The following ATG7 variants were observed in gnomAD, a reference collection of about 807,000 sequenced individuals.
ATG7 encodes ubiquitin-like modifier-activating enzyme ATG7.
In ATG7, 70 loss-of-function variants were observed where a neutral mutation model predicts 82.4. The observed-to-expected ratio is 0.85, with a 90% confidence interval of 0.70 to 1.04. ATG7 has a LOEUF of 1.04. Among genes scored for constraint, ATG7 ranks in the 50% least tolerant of loss-of-function variants. The pLI, the probability that ATG7 is intolerant of heterozygous loss-of-function variation, is 0.00. For synonymous variants in ATG7, 287 were observed against 313.0 expected, an observed-to-expected ratio of 0.92 and a Z score of 0.88; for missense variants, 792 against 864.3, an observed-to-expected ratio of 0.92 and a Z score of 1.05.
the ATG7 span, among the ~76,000 whole-genome samples, chr3:11,570,744 T>A: frequency 6.6e-6 from 1 of 152,210 alleles, no homozygotes; most frequent in African/African-American, 2.4e-5. Context: ...AGTGGTGAGA[T>A]GTCTTCTCCC....
intron 20 of ATG7, among the ~76,000 whole-genome samples, chr3:11,511,881 C>T (rs905937782): frequency 1.3e-5 from 2 of 152,110 alleles, no homozygotes; most frequent in African/African-American, 2.4e-5. Context: ...GGCTGGCTGG[C>T]TGCTCCGAAT....
intron 20 of ATG7, among the ~76,000 whole-genome samples, chr3:11,546,205 T>A (rs1210146013): frequency 7.7e-6 from 1 of 129,306 alleles, no homozygotes; most frequent in Admixed American, 9.5e-5. Context: ...GGAGTCCTGC[T>A]CTGTCACCCA....
intron 19 of ATG7, among the ~76,000 whole-genome samples, chr3:11,412,649 T>A (rs911190240): frequency 2.0e-5 from 3 of 152,170 alleles, no homozygotes; most frequent in African/African-American, 7.2e-5. Context: ...TCTTCAAGAT[T>A]GTTTTGGCAA....
At chr3:11,289,821 A>G (rs1944673090) in intron 3 of ATG7, among the ~76,000 whole-genome samples, 1 of 152,036 alleles carries the variant, frequency 6.6e-6, no homozygotes, top group Admixed American at 6.6e-5. Flanking sequence ...CAGCCTCCCA[A>G]AGAGTTAGGA....
intron 15 of ATG7, among the ~76,000 whole-genome samples, chr3:11,359,764 G>A (rs1404173076): frequency 1.3e-5 from 2 of 151,606 alleles, no homozygotes; most frequent in Non-Finnish European, 2.9e-5. Flanking sequence ...GGTGGCATGT[G>A]CCTGTAATTC....
intron 5 of ATG7, among the ~76,000 whole-genome samples, chr3:11,302,257 T>C (rs566590085): frequency 6.6e-6 from 1 of 152,344 alleles, no homozygotes; most frequent in African/African-American, 2.4e-5. Context: ...ATCTTTAAAA[T>C]GGGTTCTTGC....
intron 19 of ATG7, among the ~76,000 whole-genome samples, chr3:11,419,932 ACT>A (rs1374729472): frequency 2.6e-5 from 4 of 152,104 alleles, no homozygotes; most frequent in Admixed American, 2.6e-4. Context: ...TATTTTGCAA[ACT>A]CTCTCAGTAC....
chr3:11,314,265 A>G (rs763713917), intron 8 of ATG7, among the ~76,000 whole-genome samples: 2 of 152,164 alleles, frequency 1.3e-5, no homozygotes, highest in Non-Finnish European at 2.9e-5. Flanking sequence ...AAACTAGAGA[A>G]TTCTTATTGT....
chr3:11,519,607 T>TGGA (rs1256859844), intron 20 of ATG7, among the ~76,000 whole-genome samples: 3 of 126,582 alleles, frequency 2.4e-5, no homozygotes, highest in African/African-American at 5.7e-5. Flanking sequence ...TCGCCCAGGC[T>TGGA]GGAGTGCAGT....
chr3:11,307,889 C>T (rs1371158616), intron 6 of ATG7, among the ~76,000 whole-genome samples: 1 of 152,196 alleles, frequency 6.6e-6, no homozygotes, highest in Admixed American at 6.5e-5. Flanking sequence ...AGCTGTGACT[C>T]AGGAGAGGAT....
At chr3:11,405,257 TC>T (rs1413113064) in intron 19 of ATG7, among the ~76,000 whole-genome samples, 1 of 152,148 alleles carries the variant, frequency 6.6e-6, no homozygotes, top group African/African-American at 2.4e-5. Flanking sequence ...TTATAGAAGC[TC>T]TGACTCTAAA....
At chr3:11,527,114 C>A (rs1460056319) in intron 20 of ATG7, among the ~76,000 whole-genome samples, 1 of 147,100 alleles carries the variant, frequency 6.8e-6, no homozygotes, top group Non-Finnish European at 1.5e-5. Flanking sequence ...CATATACACA[C>A]ATTTTTTTGA....
chr3:11,364,872 T>C (rs1487613765), intron 18 of ATG7, 138 bp downstream of exon 18: 2 of 835,978 alleles, frequency 2.4e-6, no homozygotes, highest in African/African-American at 3.4e-5. Context: ...TGGGAGAGCT[T>C]TCTGACCACC....
intron 20 of ATG7, among the ~76,000 whole-genome samples, chr3:11,504,968 C>T (rs1382727799): frequency 6.6e-6 from 1 of 152,032 alleles, no homozygotes; most frequent in Non-Finnish European, 1.5e-5. Flanking sequence ...ATTTACCGAG[C>T]AAAATGGGAA....
At chr3:11,440,674 CT>C (rs72177700) in intron 20 of ATG7, among the ~76,000 whole-genome samples, 523 of 39,426 alleles carry the variant, frequency 0.013, no homozygotes, top group African/African-American at 0.02. Context: ...TCCCCATTTG[CT>C]TTTTTTTTTT....
intron 18 of ATG7, among the ~76,000 whole-genome samples, chr3:11,365,002 A>T (rs1266147450): frequency 6.6e-6 from 1 of 152,214 alleles, no homozygotes; most frequent in Non-Finnish European, 1.5e-5. Flanking sequence ...ATAGGAACAG[A>T]AAAAACAGGC....
chr3:11,374,976 G>T (rs2152837205), intron 18 of ATG7, among the ~76,000 whole-genome samples: 1 of 151,254 alleles, frequency 6.6e-6, no homozygotes, highest in Admixed American at 6.6e-5. Flanking sequence ...GCCAAGGTGG[G>T]AGGATCGCTT....
At chr3:11,324,085 A>G (rs1466570679) in intron 9 of ATG7, among the ~76,000 whole-genome samples, 3 of 152,230 alleles carry the variant, frequency 2.0e-5, no homozygotes, top group Non-Finnish European at 4.4e-5. Flanking sequence ...CCAAGTAGAA[A>G]GGAACATTTA....
At chr3:11,404,183 A>T (rs2080111539) in intron 19 of ATG7, among the ~76,000 whole-genome samples, 1 of 122,808 alleles carries the variant, frequency 8.1e-6, no homozygotes, top group Non-Finnish European at 1.6e-5. Context: ...CCCAGACCGG[A>T]GTGCAGTGGT....
Sources: gnomAD v4.1 joint callset for allele counts (sites outside exome capture counted in the v4.1 genomes callset) on GRCh38, gnomAD v4.1.1 for gene constraint, MANE v1.5 for transcripts, NCBI Gene and HGNC (gene_info 2026-07-23, HGNC 2026-07-21) for gene names.